The following CREB5 variants were observed in gnomAD, a reference collection of about 807,000 sequenced individuals.
The protein encoded by CREB5 is cyclic AMP-responsive element-binding protein 5.
CREB5 carries 19 observed loss-of-function variants against 57.1 expected under a neutral mutation model. The observed-to-expected ratio is 0.33, with a 90% CI of 0.23 to 0.49. The LOEUF is 0.49. Ranked by LOEUF, CREB5 falls within the 20% of genes least tolerant of loss-of-function variation. The pLI, the probability that CREB5 is intolerant of heterozygous loss-of-function variation, is 0.99. For synonymous variants in CREB5, 238 were observed against 238.3 expected, an observed-to-expected ratio of 1.00 and a Z score of 0.01; for missense variants, 579 against 671.6, an observed-to-expected ratio of 0.86 and a Z score of 1.52.
intron 5 of CREB5, among the ~76,000 whole-genome samples, chr7:28,587,193 A>G (rs1043166265): frequency 6.6e-6 from 1 of 152,244 alleles, no homozygotes; most frequent in Non-Finnish European, 1.5e-5. Flanking sequence ...TAAAAGCAAG[A>G]CAAAACAATC....
At chr7:28,430,426 G>A (rs1788668883) in intron 1 of CREB5, among the ~76,000 whole-genome samples, 1 of 152,148 alleles carries the variant, frequency 6.6e-6, no homozygotes. Context: ...TGTAAGATGG[G>A]CATAATAATA....
intron 1 of CREB5, among the ~76,000 whole-genome samples, chr7:28,334,748 C>T (rs142740220): frequency 2.0e-5 from 3 of 152,242 alleles, no homozygotes; most frequent in South Asian, 2.1e-4. Flanking sequence ...GTTGCCAGTG[C>T]TTGTGGGGTG....
Position 28,516,517 on chromosome 7 carries a change from G to T in CREB5, c.291+8780G>T, listed in dbSNP as rs77452835. Among the ~76,000 whole-genome samples, 4 of 152,154 alleles carry T rather than the reference G, an allele frequency of 2.6e-5. No individual in the cohort carries two copies. The South Asian group carries it at 6.2e-4, about 24-fold the overall frequency. ...AACCACAGTGCAGCCCTGAAGCTCC[G>T]CAGGCACCGCCCTCAGCTCAGCTGC... On this transcript the variant is annotated intron_variant, in intron 4 of 10. Transcript: ENST00000357727.
At chr7:28,661,750 T>C (rs991707255) in intron 5 of CREB5, among the ~76,000 whole-genome samples, 4 of 152,250 alleles carry the variant, frequency 2.6e-5, no homozygotes, top group Admixed American at 2.0e-4. Context: ...CACTCATTTA[T>C]TGTCCATGTA....
intron 1 of CREB5, among the ~76,000 whole-genome samples, chr7:28,392,240 T>C (rs1251846218): frequency 6.6e-6 from 1 of 152,072 alleles, no homozygotes; most frequent in Non-Finnish European, 1.5e-5. Context: ...TTTGTCTATA[T>C]GACAAACCTG....
chr7:28,446,622 C>A (rs749468881), intron 1 of CREB5, among the ~76,000 whole-genome samples: 3 of 152,082 alleles, frequency 2.0e-5, no homozygotes, highest in Non-Finnish European at 4.4e-5. Context: ...GAAATCCCAT[C>A]TCCACTGAAA....
chr7:28,521,872 TCTTTCCAACTCACA>T (rs1793221737), intron 4 of CREB5, among the ~76,000 whole-genome samples: 2 of 152,216 alleles, frequency 1.3e-5, no homozygotes, highest in African/African-American at 4.8e-5. Context: ...TGACTTCTAG[TCTTTCCAACTCACA>T]CTTTCCAAGA....
intron 1 of CREB5, among the ~76,000 whole-genome samples, chr7:28,476,637 G>A (rs1242390255): frequency 1.3e-5 from 2 of 152,112 alleles, no homozygotes; most frequent in African/African-American, 2.4e-5. Flanking sequence ...TACTAATCAC[G>A]ATATTAGGTT....
intron 5 of CREB5, among the ~76,000 whole-genome samples, chr7:28,648,847 AAAACC>A (rs1340758597): frequency 6.6e-6 from 1 of 152,226 alleles, no homozygotes; most frequent in Non-Finnish European, 1.5e-5. Flanking sequence ...ATTTAAAAAC[AAAACC>A]AAACCAAAGG....
chr7:28,419,219 G>C (rs1788137637), intron 1 of CREB5, among the ~76,000 whole-genome samples: 1 of 152,206 alleles, frequency 6.6e-6, no homozygotes, highest in African/African-American at 2.4e-5. Context: ...TTACTCATCT[G>C]TTTTGGGGAT....
At chr7:28,490,091 C>G (rs1791732627) in intron 2 of CREB5, among the ~76,000 whole-genome samples, 1 of 152,174 alleles carries the variant, frequency 6.6e-6, no homozygotes, top group Admixed American at 6.5e-5. Context: ...TGTCACATTA[C>G]GTTTGATTCA....
rs561221994 is a variant in CREB5 at position 28,674,106 on chromosome 7, C to T, written c.465-44647C>T. On this transcript the variant is annotated intron_variant, in intron 5 of 10. Coordinates refer to ENST00000357727, the MANE Select transcript of CREB5 (RefSeq NM_182898.4). ...GGGTATTTAAAAGCTTTTGGACTCA[C>T]GCAGATTTTTTTTTTAAGTTCCTTA... is the stretch of plus-strand genomic sequence containing the variant. 1.3e-3 allele frequency among the ~76,000 whole-genome samples: 197 copies of T among 150,632 alleles called. 3 individuals carry two copies. The South Asian group carries it at 0.041, about 31-fold the overall frequency.
intron 1 of CREB5, among the ~76,000 whole-genome samples, chr7:28,326,383 T>C (rs891044228): frequency 2.0e-5 from 3 of 152,220 alleles, no homozygotes; most frequent in East Asian, 1.9e-4. Context: ...TCCCTCCATA[T>C]GTAGCCAATC....
chr7:28,534,207 T>C (rs1443418905), intron 4 of CREB5, among the ~76,000 whole-genome samples: 1 of 152,228 alleles, frequency 6.6e-6, no homozygotes, highest in Non-Finnish European at 1.5e-5. Flanking sequence ...TCCCACTGGC[T>C]CTTGGCTCAT....
intron 1 of CREB5, among the ~76,000 whole-genome samples, chr7:28,337,620 A>C (rs371005458): frequency 6.6e-6 from 1 of 151,848 alleles, no homozygotes; most frequent in African/African-American, 2.4e-5. Flanking sequence ...TAGGCGGTAG[A>C]TCATTGGGTC....
intron 4 of CREB5, among the ~76,000 whole-genome samples, chr7:28,537,008 T>C (rs1793988077): frequency 6.6e-6 from 1 of 152,230 alleles, no homozygotes; most frequent in African/African-American, 2.4e-5. Flanking sequence ...ACGTACTACA[T>C]ACCACAATTG....
chr7:28,529,721 A>T (rs955197561), intron 4 of CREB5, among the ~76,000 whole-genome samples: 3 of 152,228 alleles, frequency 2.0e-5, no homozygotes, highest in Admixed American at 2.0e-4. Flanking sequence ...CTTCCCACCC[A>T]AATGTGGGGA....
At chr7:28,316,548 C>A (rs1046193809) in intron 1 of CREB5, among the ~76,000 whole-genome samples, 2 of 151,992 alleles carry the variant, frequency 1.3e-5, no homozygotes, top group African/African-American at 2.4e-5. Context: ...CAGAAATGCA[C>A]CGCCAGATCC....
chr7:28,436,813 A>T (rs1022287484), intron 1 of CREB5, among the ~76,000 whole-genome samples: 1 of 152,116 alleles, frequency 6.6e-6, no homozygotes, highest in Non-Finnish European at 1.5e-5. Flanking sequence ...ATTTCACACC[A>T]TTTGATTGTG....
Sources: gnomAD v4.1 joint callset for allele counts (sites outside exome capture counted in the v4.1 genomes callset) on GRCh38, gnomAD v4.1.1 for gene constraint, MANE v1.5 for transcripts, NCBI Gene and HGNC (gene_info 2026-07-23, HGNC 2026-07-21) for gene names.